AIG1: variants seen among roughly 807,000 people sequenced by gnomAD.
AIG1 encodes androgen induced 1.
AIG1 carries 23 observed loss-of-function variants against 31.4 expected under a neutral mutation model. That is an observed-to-expected ratio of 0.73 (90% CI 0.53 to 1.04). The LOEUF (loss-of-function observed/expected upper bound fraction) is 1.04. Ranked by LOEUF, AIG1 falls within the 50% of genes least tolerant of loss-of-function variation. AIG1 has a pLI of 0.00. For synonymous variants in AIG1, 100 were observed against 110.5 expected, an observed-to-expected ratio of 0.90 and a Z score of 0.60; for missense variants, 274 against 295.0, an observed-to-expected ratio of 0.93 and a Z score of 0.52.
intron 3 of AIG1, among the ~76,000 whole-genome samples, chr6:143,196,109 T>C (rs142764934): frequency 7.5e-4 from 115 of 152,342 alleles, no homozygotes; most frequent in African/African-American, 2.5e-3. Context: ...CCCAGCTTCA[T>C]GATAATGGCC....
chr6:143,176,896 A>G (rs1438104133), intron 3 of AIG1, among the ~76,000 whole-genome samples: 1 of 152,156 alleles, frequency 6.6e-6, no homozygotes, highest in Non-Finnish European at 1.5e-5. Flanking sequence ...CTTTCCTGGT[A>G]TGTTCCTGCA....
Position 143,298,081 on chromosome 6 carries a change from T to C in AIG1, c.515+13856T>C, listed in dbSNP as rs1351462528. ...CATTCTGCTGCAAAAAAAAAAAACATTGGATAAGAAAGAAAATGGAGTCCT... is the reference window on the plus strand; with the variant it reads ...CATTCTGCTGCAAAAAAAAAAAACACTGGATAAGAAAGAAAATGGAGTCCT... On this transcript the variant is annotated intron_variant, in intron 4 of 5. Coordinates refer to ENST00000357847, the MANE Select transcript of AIG1 (RefSeq NM_016108.4). The surrounding 1 kb of genome is among the most constrained non-coding windows in gnomAD (Gnocchi z 5.1). Among the ~76,000 whole-genome samples, 3 of 151,520 alleles carry C rather than the reference T, an allele frequency of 2.0e-5. No individual in the cohort carries two copies. Among genetic ancestry groups the C allele is most frequent in the Non-Finnish European group, 4.4e-5 (3 of 67,842 alleles).
At chr6:143,307,477 T>A (rs1562577875) in intron 4 of AIG1, among the ~76,000 whole-genome samples, 1 of 152,228 alleles carries the variant, frequency 6.6e-6, no homozygotes, top group Non-Finnish European at 1.5e-5. Flanking sequence ...CAGACCCTGT[T>A]TGCCTGGGTA....
At chr6:143,120,771 T>A (rs555393647) in intron 1 of AIG1, among the ~76,000 whole-genome samples, 10 of 152,120 alleles carry the variant, frequency 6.6e-5, no homozygotes, top group African/African-American at 2.4e-4. Context: ...ATGGATAGAG[T>A]TGTGTTGGGA....
At chr6:143,305,704 G>T (rs1799219618) in intron 4 of AIG1, among the ~76,000 whole-genome samples, 1 of 152,160 alleles carries the variant, frequency 6.6e-6, no homozygotes, top group Non-Finnish European at 1.5e-5. Context: ...ATATTCTGTT[G>T]ATTTGGGGTG....
intron 2 of AIG1, among the ~76,000 whole-genome samples, chr6:143,154,509 AAAAG>A (rs1193089059): frequency 6.6e-6 from 1 of 152,074 alleles, no homozygotes; most frequent in Non-Finnish European, 1.5e-5. Context: ...ACTCTGTGTA[AAAAG>A]AAAGAAAGAA....
intron 4 of AIG1, among the ~76,000 whole-genome samples, chr6:143,303,480 G>C (rs901110871): frequency 2.2e-4 from 34 of 152,126 alleles, no homozygotes; most frequent in Non-Finnish European, 4.7e-4. Context: ...TATTAAATAG[G>C]GAATCCTTTC....
chr6:143,128,487 C>T (rs536158806), intron 1 of AIG1, among the ~76,000 whole-genome samples: 7 of 152,152 alleles, frequency 4.6e-5, no homozygotes, highest in East Asian at 1.9e-4. Flanking sequence ...CAGCATGCAA[C>T]GTAAAATAAT....
intron 2 of AIG1, among the ~76,000 whole-genome samples, chr6:143,148,337 C>CA (rs527337431): frequency 0.05 from 2,318 of 46,296 alleles, 49 homozygotes; most frequent in African/African-American, 0.08. Context: ...CCCATCTCTA[C>CA]AAAAAAAAAA....
intron 3 of AIG1, among the ~76,000 whole-genome samples, chr6:143,249,948 C>T (rs1040667004): frequency 2.0e-5 from 3 of 152,206 alleles, no homozygotes; most frequent in African/African-American, 7.2e-5. Flanking sequence ...CCTTGTCCAG[C>T]TGGCTTTGAC....
At chr6:143,225,269 C>A (rs578061256) in intron 3 of AIG1, among the ~76,000 whole-genome samples, 1 of 152,264 alleles carries the variant, frequency 6.6e-6, no homozygotes, top group South Asian at 2.1e-4. Context: ...TTATTCATAT[C>A]CCTCTCTTTT....
intron 3 of AIG1, among the ~76,000 whole-genome samples, chr6:143,168,259 T>A (rs561641212): frequency 1.4e-4 from 22 of 152,274 alleles, no homozygotes; most frequent in South Asian, 1.2e-3. Flanking sequence ...TCTTTTTTTT[T>A]AATTTTTTAA....
At chr6:143,109,897 T>C (rs1781124157) in intron 1 of AIG1, among the ~76,000 whole-genome samples, 2 of 152,246 alleles carry the variant, frequency 1.3e-5, no homozygotes, top group Admixed American at 1.3e-4. Context: ...AACTTATTAA[T>C]CCATTCTATT....
chr6:143,333,325 T>C lies in AIG1; in HGVS notation c.559T>C (p.Phe187Leu). The change falls in exon 5 of 6, where the codon TTC becomes CTC. Residue 187 changes from phenylalanine to leucine, a missense_variant. Phe to Leu is a conservative substitution (Grantham distance 22). Around this residue, in one of 2 missense-constraint regions of AIG1, gnomAD observed 243 missense variants for 238.5 expected, o/e 1.02. Transcript: ENST00000357847. The surrounding 1 kb of genome is among the most constrained non-coding windows in gnomAD (Gnocchi z 4.6). ...TGTAACTGGCATGTGGGTGTACCCT[T>C]TCCTGGAACACATTGGCCCAGGAGC... ...HHVTGMWVYP[F>L]LEHIGPGARI... 6.2e-7 allele frequency: 1 copy of C among 1,613,872 alleles called. No homozygotes were observed. Among genetic ancestry groups the C allele is most frequent in the Non-Finnish European group, 8.5e-7 (1 of 1,179,880 alleles).
intron 1 of AIG1, among the ~76,000 whole-genome samples, chr6:143,081,504 C>G (rs909085024): frequency 6.6e-6 from 1 of 151,496 alleles, no homozygotes; most frequent in African/African-American, 2.4e-5. Flanking sequence ...TGGGTAAAAT[C>G]TAGTTGCTAG....
chr6:143,239,154 G>C (rs928466149), intron 3 of AIG1, among the ~76,000 whole-genome samples: 3 of 152,226 alleles, frequency 2.0e-5, no homozygotes, highest in Non-Finnish European at 2.9e-5. Flanking sequence ...ACTGGGGAGA[G>C]ACTGGCAACA....
chr6:143,086,114 G>A (rs956344183), intron 1 of AIG1, among the ~76,000 whole-genome samples: 2 of 152,186 alleles, frequency 1.3e-5, no homozygotes, highest in Non-Finnish European at 2.9e-5. Context: ...AGCAGTTGCT[G>A]CTACAGATTG....
chr6:143,208,078 C>A (rs1449310705), intron 3 of AIG1, among the ~76,000 whole-genome samples: 1 of 152,138 alleles, frequency 6.6e-6, no homozygotes, highest in Non-Finnish European at 1.5e-5. Context: ...AAGGAATGCA[C>A]TGTAGAGGCT....
In AIG1 at chr6:143,288,062, T is replaced by C. The variant is rs1797813991; in HGVS notation, c.515+3837T>C. On this transcript the variant is annotated intron_variant, in intron 4 of 5. Coordinates refer to ENST00000357847, the MANE Select transcript of AIG1 (RefSeq NM_016108.4). This position sits in a 1 kb window ranked among gnomAD's most constrained non-coding sequence, Gnocchi z 4.4. Reference sequence around the variant, plus strand: ...CTCCTGTCTCTTGTCACCTTCTAGTTGACATGTATAAAAGAGAAGACATCT... The same window carrying C: ...CTCCTGTCTCTTGTCACCTTCTAGTCGACATGTATAAAAGAGAAGACATCT... Among the ~76,000 whole-genome samples, 1 of 152,140 alleles carries C rather than the reference T, an allele frequency of 6.6e-6. No individual in the cohort carries two copies. Among genetic ancestry groups the C allele is most frequent in the South Asian group, 2.1e-4 (1 of 4,834 alleles).
Sources: allele counts gnomAD v4.1 joint callset (sites outside exome capture counted in the v4.1 genomes callset), GRCh38; gene constraint gnomAD v4.1.1; regional missense constraint gnomAD v4.1.1; non-coding constraint Gnocchi (gnomAD v3.1); transcripts MANE v1.5; gene names NCBI Gene and HGNC (gene_info 2026-07-23, HGNC 2026-07-21).